The following LHFPL3 variants were observed in gnomAD, a reference collection of about 807,000 sequenced individuals.
LHFPL3 encodes LHFPL tetraspan subfamily member 3, also known as LHFPL tetraspan subfamily member 3 protein.
LHFPL3 carries 5 observed loss-of-function variants against 19.3 expected under a neutral mutation model. That is an observed-to-expected ratio of 0.26 (90% CI 0.14 to 0.54). LHFPL3 has a LOEUF of 0.54. LHFPL3 is among the 20% of genes least tolerant of loss of function. The pLI, the probability that LHFPL3 is intolerant of heterozygous loss-of-function variation, is 0.94. For synonymous variants in LHFPL3, 133 were observed against 126.2 expected, an observed-to-expected ratio of 1.05 and a Z score of -0.36; for missense variants, 249 against 307.4, an observed-to-expected ratio of 0.81 and a Z score of 1.42.
chr7:104,702,629 T>C (rs1562968899), intron 1 of LHFPL3, among the ~76,000 whole-genome samples: 1 of 152,258 alleles, frequency 6.6e-6, no homozygotes, highest in Non-Finnish European at 1.5e-5. Context: ...TTGTTCCATT[T>C]CTTTGAAGAA....
intron 1 of LHFPL3, among the ~76,000 whole-genome samples, chr7:104,698,860 C>T (rs1012239268): frequency 1.4e-4 from 22 of 151,950 alleles, no homozygotes; most frequent in Admixed American, 9.8e-4. Context: ...CAAAAAAGAC[C>T]GATATTTTAA....
intron 1 of LHFPL3, among the ~76,000 whole-genome samples, chr7:104,570,359 C>A (rs1484708500): frequency 6.6e-6 from 1 of 152,146 alleles, no homozygotes; most frequent in Non-Finnish European, 1.5e-5. Flanking sequence ...TATGAGGGTG[C>A]TTCACCCAAA....
In LHFPL3 at chr7:104,829,911, C is replaced by G. The variant is rs1790917486; in HGVS notation, c.683-76276C>G. Among the ~76,000 whole-genome samples the G allele has an allele frequency of 2.0e-5, 3 of 152,126 alleles. 1 individual carries two copies. The South Asian group carries it at 6.2e-4, about 32-fold the overall frequency. On this transcript the variant is annotated intron_variant, in intron 2 of 2. Transcript: ENST00000424859. ...GATCCCTGAGGAATCACCACACTGACTTCCACAATGGTTGAACTAGCTTAC... is the reference window on the plus strand; with the variant it reads ...GATCCCTGAGGAATCACCACACTGAGTTCCACAATGGTTGAACTAGCTTAC...
intron 1 of LHFPL3, among the ~76,000 whole-genome samples, chr7:104,711,746 A>AC (rs758350702): frequency 4.6e-5 from 7 of 152,164 alleles, no homozygotes; most frequent in African/African-American, 1.7e-4. Flanking sequence ...ACGAGACAGA[A>AC]CCATGTCACA....
chr7:104,894,247 C>T (rs780715021), intron 2 of LHFPL3, among the ~76,000 whole-genome samples: 1 of 152,152 alleles, frequency 6.6e-6, no homozygotes, highest in Non-Finnish European at 1.5e-5. Flanking sequence ...TTACCTGCCC[C>T]GTAACGGTAT....
intron 1 of LHFPL3, among the ~76,000 whole-genome samples, chr7:104,726,355 G>T (rs1312907966): frequency 3.3e-5 from 5 of 151,050 alleles, no homozygotes; most frequent in Admixed American, 2.6e-4. Flanking sequence ...TTATTCCAAG[G>T]TACATGTGCA....
At chr7:104,778,726 G>A (rs1211034331) in intron 2 of LHFPL3, among the ~76,000 whole-genome samples, 2 of 152,166 alleles carry the variant, frequency 1.3e-5, no homozygotes, top group East Asian at 3.8e-4. Flanking sequence ...TGCAGCAGGT[G>A]GGTGCCCCAG....
intron 2 of LHFPL3, among the ~76,000 whole-genome samples, chr7:104,815,988 C>T (rs1014901402): frequency 1.3e-5 from 2 of 152,120 alleles, no homozygotes; most frequent in African/African-American, 4.8e-5. Flanking sequence ...TAGCTGACCA[C>T]CACATTCCAT....
chr7:104,869,568 A>G (rs570718732), intron 2 of LHFPL3, among the ~76,000 whole-genome samples: 9 of 151,848 alleles, frequency 5.9e-5, no homozygotes, highest in Non-Finnish European at 1.0e-4. Context: ...TTAGAATGGC[A>G]ATCATTAAAA....
At chr7:104,892,821 C>A (rs1334560347) in intron 2 of LHFPL3, among the ~76,000 whole-genome samples, 1 of 150,922 alleles carries the variant, frequency 6.6e-6, no homozygotes, top group Non-Finnish European at 1.5e-5. Flanking sequence ...ATTTGATTTT[C>A]AAAAATGAGA....
At chr7:104,580,969 TAATA>T (rs1028993223) in intron 1 of LHFPL3, among the ~76,000 whole-genome samples, 4 of 152,216 alleles carry the variant, frequency 2.6e-5, no homozygotes, top group African/African-American at 9.6e-5. Flanking sequence ...TTATGAATAT[TAATA>T]AAACTGCTAT....
At chr7:104,534,814 C>A (rs1794363806) in intron 1 of LHFPL3, among the ~76,000 whole-genome samples, 1 of 152,156 alleles carries the variant, frequency 6.6e-6, no homozygotes, top group African/African-American at 2.4e-5. Context: ...AAATTCATCC[C>A]TCCATAAAGT....
intron 1 of LHFPL3, among the ~76,000 whole-genome samples, chr7:104,730,531 C>G (rs1793679940): frequency 6.6e-6 from 1 of 152,226 alleles, no homozygotes; most frequent in Non-Finnish European, 1.5e-5. Context: ...CTGGTGGCTG[C>G]ATAAATGTCT....
chr7:104,416,025 A>AACATG (rs1791615025), intron 1 of LHFPL3, among the ~76,000 whole-genome samples: 1 of 152,364 alleles, frequency 6.6e-6, no homozygotes, highest in South Asian at 2.1e-4. Context: ...AGTACCTCAG[A>AACATG]ACATGACCTC....
chr7:104,833,063 A>T (rs1233532846), intron 2 of LHFPL3, among the ~76,000 whole-genome samples: 3 of 71,574 alleles, frequency 4.2e-5, no homozygotes, highest in African/African-American at 1.2e-4. Flanking sequence ...TATTATATAT[A>T]ATATATATAT....
intron 1 of LHFPL3, among the ~76,000 whole-genome samples, chr7:104,557,236 A>G (rs1347032939): frequency 2.0e-5 from 3 of 152,294 alleles, no homozygotes; most frequent in South Asian, 2.1e-4. Flanking sequence ...TTACTGTGTT[A>G]GTCATTTTTC....
At chr7:104,570,645 C>T (rs1192005586) in intron 1 of LHFPL3, among the ~76,000 whole-genome samples, 1 of 152,182 alleles carries the variant, frequency 6.6e-6, no homozygotes, top group Non-Finnish European at 1.5e-5. Flanking sequence ...GCTGTCTCTG[C>T]TATCATCAGT....
chr7:104,458,026 G>T (rs987473082), intron 1 of LHFPL3, among the ~76,000 whole-genome samples: 1 of 150,374 alleles, frequency 6.7e-6, no homozygotes, highest in Non-Finnish European at 1.5e-5. Flanking sequence ...CCCTTTGTCA[G>T]ATGAGTAGGT....
At chr7:104,486,229 A>C (rs1449461883) in intron 1 of LHFPL3, among the ~76,000 whole-genome samples, 2 of 152,178 alleles carry the variant, frequency 1.3e-5, no homozygotes, top group Non-Finnish European at 2.9e-5. Flanking sequence ...CTTGAGCAAA[A>C]TGTTCTCTTA....
Sources: allele counts gnomAD v4.1 joint callset (sites outside exome capture counted in the v4.1 genomes callset), GRCh38; gene constraint gnomAD v4.1.1; transcripts MANE v1.5; gene names NCBI Gene and HGNC (gene_info 2026-07-23, HGNC 2026-07-21).